ZMYND10: variants seen among roughly 807,000 people sequenced by gnomAD.
The protein encoded by ZMYND10 is zinc finger MYND-type containing 10.
ZMYND10 carries 52 observed loss-of-function variants against 62.6 expected under a neutral mutation model. That is an observed-to-expected ratio of 0.83 (90% confidence interval 0.67 to 1.05). The LOEUF is 1.05. Among genes scored for constraint, ZMYND10 ranks in the 50% least tolerant of loss-of-function variants. ZMYND10 has a pLI of 0.00. For synonymous variants in ZMYND10, 197 were observed against 218.5 expected, an observed-to-expected ratio of 0.90 and a Z score of 0.87; for missense variants, 438 against 543.3, an observed-to-expected ratio of 0.81 and a Z score of 1.93.
chr3:50,342,046 TG>T lies in ZMYND10; in HGVS notation c.967del (p.Gln323SerfsTer62). 1.2e-6 allele frequency: 2 copies of T among 1,614,162 alleles called. No individual in the cohort carries two copies. The highest frequency in any genetic ancestry group is 1.7e-6 in the Non-Finnish European group (2 of 1,180,032). ...FLAHLTLTET[Q>X]PPKKDLVLEQ... ...CAACACCAGGTCCTTCTTAGGAGGC[TG>T]GGTTTCAGTTAGGGTCAGATGGGCC... On this transcript the variant is annotated frameshift_variant, in exon 9 of 12. Transcript: ENST00000231749. LOFTEE classifies it high-confidence loss of function.
chr3:50,345,568 C>T lies in ZMYND10; in HGVS notation c.12G>A (p.Leu4=), dbSNP rs1341435958. The T allele has an allele frequency of 3.7e-6, 6 of 1,602,224 alleles. No homozygotes were observed. The highest frequency in any genetic ancestry group is 5.1e-6 in the Non-Finnish European group (6 of 1,175,008). The change falls in exon 1 of 12, where the codon CTG becomes CTA. Residue 4 remains leucine (L), a synonymous_variant. Transcript: ENST00000231749. This position sits in a 1 kb window ranked among gnomAD's most constrained non-coding sequence, Gnocchi z 5.0. ...CAGCTTCCCCGGGCAGCAGCAGTTC[C>T]AGGTCTCCCATATCGAGGCCGGGGT... MGD[L]ELLLPGEAEV...
At position 50,341,251 on chromosome 3, in the gene ZMYND10, G is replaced by C. The variant is rs1314198028; in HGVS notation, c.*159C>G. The C allele has an allele frequency of 4.6e-6, 4 of 863,896 alleles. No individual in the cohort carries two copies. Among genetic ancestry groups the C allele is most frequent in the Non-Finnish European group, 7.1e-6 (4 of 562,298 alleles). The allele number at this position is 863,896 out of a possible 1,614,324, so 53.5% of individuals were successfully genotyped here. ...GAAGTCTCGAGCCTTCACTTGGGGTGAGGAGGAGGGAGATCGGTCAGCAGC... is the reference window on the plus strand; with the variant it reads ...GAAGTCTCGAGCCTTCACTTGGGGTCAGGAGGAGGGAGATCGGTCAGCAGC... On this transcript the variant is annotated 3_prime_UTR_variant, in exon 12 of 12. Coordinates refer to ENST00000231749, the MANE Select transcript of ZMYND10 (RefSeq NM_015896.4).
rs779503041 is a variant in ZMYND10 at position 50,343,755 on chromosome 3, G to A, written c.297C>T (p.Asn99=). 13 of 1,614,084 alleles carry A rather than the reference G, an allele frequency of 8.1e-6. No homozygotes were observed. The East Asian group carries it at 2.4e-4, about 30-fold the overall frequency. ...FCRVEDFKPQ[N]TFPIYMVVHH... ...TCACCACCATGTAGATGGGGAAGGT[G>A]TTCTGGGGCTTGAAGTCCTCCACCC... The change falls in exon 3 of 12, where the codon AAC becomes AAT. Residue 99 remains asparagine, a synonymous_variant. Transcript: ENST00000231749.
At chr3:50,344,129 T>C in intron 2 of ZMYND10, 1 of 439,800 alleles carries the variant, frequency 2.3e-6, no homozygotes, top group Non-Finnish European at 4.2e-6. Context: ...CCTTATCCTC[T>C]GCCCGCCCAT....
Position 50,341,300 on chromosome 3 carries a change from C to T in ZMYND10, c.*110G>A, listed in dbSNP as rs1030704746. 14 of 1,360,812 alleles carry T rather than the reference C, an allele frequency of 1.0e-5. No individual in the cohort carries two copies. The highest frequency in any genetic ancestry group is 1.4e-5 in the Non-Finnish European group (14 of 978,606). The allele number at this position is 1,360,812 out of a possible 1,614,324, so 84.3% of individuals were successfully genotyped here. On this transcript the variant is annotated 3_prime_UTR_variant, in exon 12 of 12. Coordinates refer to ENST00000231749, the MANE Select transcript of ZMYND10 (RefSeq NM_015896.4). ...GCTTTACCGCCCGCTCTGCTCTCCA[C>T]TGCGGAGACTGGGGCTCCGGCAGAG...
At chr3:50,344,422 G>A (rs1201504069) in intron 2 of ZMYND10, among the ~76,000 whole-genome samples, 2 of 150,360 alleles carry the variant, frequency 1.3e-5, no homozygotes, top group Admixed American at 6.6e-5. Context: ...AGGTTCAAGC[G>A]ATTCTCCTGC....
chr3:50,344,875 C>G (rs587760338), intron 2 of ZMYND10: 44 of 261,612 alleles, frequency 1.7e-4, no homozygotes, highest in African/African-American at 9.2e-4. Context: ...TTGGGCCTTC[C>G]CCTTGAAGCC....
rs200075565 is a variant in ZMYND10, at chr3:50,341,472, T to G, written c.1261A>C (p.Lys421Gln). Residue 421 changes from lysine (K) to glutamine (Q), a missense_variant, in exon 12 of 12, where the codon AAG (lysine) becomes CAG (glutamine). Transcript: ENST00000231749. Reference protein sequence around the residue: ...EWYCCRECQVKHWEKHGKTCV... With the variant: ...EWYCCRECQVQHWEKHGKTCV... Reference sequence around the variant, plus strand: ...GTCTTTCCATGCTTTTCCCAGTGCTTGACTTGGCACTCCCTGCAGGCAGGT... The same window carrying G: ...GTCTTTCCATGCTTTTCCCAGTGCTGGACTTGGCACTCCCTGCAGGCAGGT... The G allele has an allele frequency of 4.0e-5, 65 of 1,614,234 alleles. No individual in the cohort carries two copies. The highest frequency in any genetic ancestry group is 5.3e-5 in the Non-Finnish European group (63 of 1,180,032).
At position 50,343,169 on chromosome 3, in the gene ZMYND10, A is replaced by G; in HGVS notation, c.548T>C (p.Ile183Thr). Residue 183 changes from isoleucine (I) to threonine (T), a missense_variant, in exon 6 of 12, where the codon ATT becomes ACT. Ile to Thr is a moderately conservative substitution (Grantham distance 89, BLOSUM62 -1). Transcript: ENST00000231749. ...QKQAELMEFE[I>T]ALKALSVLRY... ...TAGTACTGAGAGGGCCTTCAGTGCA[A>G]TCTCAAATTCCATCAGCTCTGCCTG... The G allele has an allele frequency of 2.5e-6, 4 of 1,614,216 alleles. No individual in the cohort carries two copies. Among genetic ancestry groups the G allele is most frequent in the Non-Finnish European group, 3.4e-6 (4 of 1,180,026 alleles).
At position 50,341,568 on chromosome 3, in the gene ZMYND10, C is replaced by G. The variant is rs1439582271; in HGVS notation, c.1247+6G>C. 6 of 1,614,160 alleles carry G rather than the reference C, an allele frequency of 3.7e-6. No homozygotes were observed. The highest frequency in any genetic ancestry group is 5.1e-6 in the Non-Finnish European group (6 of 1,180,010). On this transcript the variant is annotated splice_donor_region_variant and intron_variant, in intron 11 of 11. Transcript: ENST00000231749. ...TTAGAGGTCCAAGGTTCTAGGATAC[C>G]CTCACCTGCAGCAATACCACTCATT...
chr3:50,342,911 AC>A lies in ZMYND10; in HGVS notation c.700+6del. On this transcript the variant is annotated splice_donor_region_variant and intron_variant, in intron 7 of 11. Coordinates refer to ENST00000231749, the MANE Select transcript of ZMYND10 (RefSeq NM_015896.4). ...CTGGGGCTTAGGCTGGTGGGGGAGGACCCTACCTCCTTCCCGCCGGCTCCAG... is the reference window on the plus strand; with the variant it reads ...CTGGGGCTTAGGCTGGTGGGGGAGGACCTACCTCCTTCCCGCCGGCTCCAG... 6.2e-7 allele frequency: 1 copy of A among 1,613,358 alleles called. No homozygotes were observed. Among genetic ancestry groups the A allele is most frequent in the Non-Finnish European group, 8.5e-7 (1 of 1,179,722 alleles).
chr3:50,341,796 T>TA lies in ZMYND10; in HGVS notation c.1121+13_1121+14insT. On this transcript the variant is annotated intron_variant, in intron 10 of 11. Transcript: ENST00000231749. ...CATCCCCTCCACCCTCCCTGCCATT[T>TA]CCACAGGCCTTACCTTCGCGCCTGC... 6.2e-7 allele frequency: 1 copy of TA among 1,612,722 alleles called. No homozygotes were observed. Among genetic ancestry groups the TA allele is most frequent in the Non-Finnish European group, 8.5e-7 (1 of 1,178,986 alleles).
chr3:50,345,296 G>T lies in ZMYND10; in HGVS notation c.93-64C>A, dbSNP rs1209976765. 3 of 1,562,266 alleles carry T rather than the reference G, an allele frequency of 1.9e-6. No homozygotes were observed. Among genetic ancestry groups the T allele is most frequent in the Non-Finnish European group, 2.6e-6 (3 of 1,145,846 alleles). On this transcript the variant is annotated intron_variant, in intron 1 of 11. Transcript: ENST00000231749. The surrounding 1 kb of genome is among the most constrained non-coding windows in gnomAD (Gnocchi z 5.0). Reference sequence around the variant, plus strand: ...GCATTAGGAGTGGGGATGGGGGCTGGATCCTACTGAAGCCTAACCTGATCC... The same window carrying T: ...GCATTAGGAGTGGGGATGGGGGCTGTATCCTACTGAAGCCTAACCTGATCC...
chr3:50,345,487 C>T lies in ZMYND10; in HGVS notation c.92+1G>A. On this transcript the variant is annotated splice_donor_variant, in intron 1 of 11. Transcript: ENST00000231749. LOFTEE classifies it high-confidence loss of function. This position sits in a 1 kb window ranked among gnomAD's most constrained non-coding sequence, Gnocchi z 5.0. Reference sequence around the variant, plus strand: ...GACTCCGCCTGACCCGGGTGCCTCACCCTTCGGAGCCCATCTCGCGTAGCG... The same window carrying T: ...GACTCCGCCTGACCCGGGTGCCTCATCCTTCGGAGCCCATCTCGCGTAGCG... The T allele has an allele frequency of 4.4e-6, 7 of 1,598,724 alleles. No individual in the cohort carries two copies. The highest frequency in any genetic ancestry group is 6.0e-6 in the Non-Finnish European group (7 of 1,173,022).
rs1404026131 is a variant in ZMYND10, at chr3:50,341,466, A to G, written c.1267T>C (p.Trp423Arg). The G allele has an allele frequency of 1.9e-6, 3 of 1,614,190 alleles. No individual in the cohort carries two copies. In the South Asian group the frequency reaches 3.3e-5, roughly 18 times the overall value. ...ACACAAGTCTTTCCATGCTTTTCCC[A>G]GTGCTTGACTTGGCACTCCCTGCAG... ...YCCRECQVKH[W>R]EKHGKTCVLA... Residue 423 changes from tryptophan (W) to arginine (R), a missense_variant, in exon 12 of 12, where the codon TGG (tryptophan) becomes CGG (arginine). By Grantham distance (101) the Trp-to-Arg change is moderately radical. Transcript: ENST00000231749.
intron 7 of ZMYND10, 68 bp downstream of exon 7, chr3:50,342,850 C>A (rs1445526598): frequency 1.3e-6 from 2 of 1,560,422 alleles, no homozygotes; most frequent in Non-Finnish European, 1.7e-6. Context: ...GTGCAAGCTG[C>A]CCCCCTCTAT....
In ZMYND10 at chr3:50,343,405, C is replaced by T; in HGVS notation, c.412G>A (p.Val138Ile). The T allele has an allele frequency of 1.2e-6, 2 of 1,613,738 alleles. No individual in the cohort carries two copies. The highest frequency in any genetic ancestry group is 2.2e-5 in the East Asian group (1 of 44,874). The change falls in exon 5 of 12, where the codon GTA becomes ATA. Residue 138 changes from valine to isoleucine, a missense_variant. Physicochemically the swap from Val to Ile is conservative, Grantham distance 29. Transcript: ENST00000231749. ...GTCAGTTTGCGGTGGCAATAGTCTACCAAGTCCAAGACAGTGTCTTCTGCT... is the reference window on the plus strand; with the variant it reads ...GTCAGTTTGCGGTGGCAATAGTCTATCAAGTCCAAGACAGTGTCTTCTGCT... ...ESAEDTVLDL[V>I]DYCHRKLTLL... is the part of the protein sequence containing the mutation.
In ZMYND10 at chr3:50,343,619, G is replaced by A. The variant is rs1264654207; in HGVS notation, c.319-3C>T. 6.2e-7 allele frequency: 1 copy of A among 1,614,134 alleles called. No individual in the cohort carries two copies. The highest frequency in any genetic ancestry group is 8.5e-7 in the Non-Finnish European group (1 of 1,180,026). ...ATGATGGAGGCCTCGTGGTGCACCT[G>A]TCAGATAAAGAGAAGGACAGGGCCT... On this transcript the variant is annotated splice_polypyrimidine_tract_variant and splice_region_variant and intron_variant, in intron 3 of 11. Coordinates refer to ENST00000231749, the MANE Select transcript of ZMYND10 (RefSeq NM_015896.4).
rs770743936 is a variant in ZMYND10, at chr3:50,345,524, A to T, written c.56T>A (p.Leu19Gln). 6.2e-7 allele frequency: 1 copy of T among 1,609,760 alleles called. No homozygotes were observed. Among genetic ancestry groups the T allele is most frequent in the Non-Finnish European group, 8.5e-7 (1 of 1,178,592 alleles). The part of the protein sequence containing the change: ...PGEAEVLVRG[L>Q]RSFPLREMGS... ...CATCTCGCGTAGCGGGAAGCTGCGC[A>T]GACCCCGCACCAGCACTTCAGCTTC... The change falls in exon 1 of 12, where the codon CTG (leucine) becomes CAG (glutamine). Residue 19 changes from leucine (L) to glutamine (Q), a missense_variant. By Grantham distance (113) the Leu-to-Gln change is moderately radical. Transcript: ENST00000231749. This position sits in a 1 kb window ranked among gnomAD's most constrained non-coding sequence, Gnocchi z 5.0.
Sources: allele counts gnomAD v4.1 joint callset (sites outside exome capture counted in the v4.1 genomes callset), GRCh38; gene constraint gnomAD v4.1.1; non-coding constraint Gnocchi (gnomAD v3.1); transcripts MANE v1.5; gene names NCBI Gene and HGNC (gene_info 2026-07-23, HGNC 2026-07-21).